Variants in AKAP1 observed in about 807,000 individuals in gnomAD.
The protein encoded by AKAP1 is A-kinase anchor protein 1, mitochondrial.
A neutral mutation model predicts 79.8 loss-of-function variants in AKAP1; 32 were observed. The observed-to-expected ratio is 0.40, with a 90% CI of 0.30 to 0.54. The LOEUF (loss-of-function observed/expected upper bound fraction) is 0.54, where lower values mean the gene tolerates loss of function less well. AKAP1 is among the 20% of genes least tolerant of loss of function. The probability of loss-of-function intolerance (pLI) is 0.47; values close to 1 mark genes in which losing one functional copy is unlikely to be tolerated. For missense variants in AKAP1, 961 were observed against 1,138.9 expected (o/e 0.84, Z 2.25); for synonymous variants, 416 against 466.7 (o/e 0.89, Z 1.40).
At chr17:57,087,427 G>A (rs1366315295) in intron 1 of AKAP1, among the ~76,000 whole-genome samples, 1 of 152,186 alleles carries the variant, frequency 6.6e-6, no homozygotes, top group Non-Finnish European at 1.5e-5. Context: ...TAAGGTTGCT[G>A]AACATCAATA....
intron 4 of AKAP1, 124 bp from the exon 5 acceptor site, chr17:57,112,367 T>G: frequency 1.6e-6 from 2 of 1,222,696 alleles, no homozygotes; most frequent in Non-Finnish European, 2.3e-6. Context: ...TTTTGTTACC[T>G]CAAAGATGCA....
intron 5 of AKAP1, among the ~76,000 whole-genome samples, chr17:57,113,884 T>C (rs1195600701): frequency 6.6e-6 from 1 of 152,148 alleles, no homozygotes; most frequent in Non-Finnish European, 1.5e-5. Context: ...CAGACTCTGC[T>C]AGACCTTGAC....
Position 57,106,941 on chromosome 17 carries a change from G to A in AKAP1, c.1477G>A (p.Asp493Asn). Reference protein sequence around the residue: ...EDATCVTCMSDSSQSVPLVAS... With the variant: ...EDATCVTCMSNSSQSVPLVAS... ...TGCCACCTGTGTCACCTGCATGTCA[G>A]ACAGCAGCCAAAGTGTCCCTTTGGT... is the stretch of plus-strand genomic sequence containing the variant. The change falls in exon 2 of 11, where the codon GAC (aspartate) becomes AAC (asparagine). Residue 493 changes from aspartate (D) to asparagine (N), a missense_variant. Asp to Asn is a conservative substitution (Grantham distance 23, BLOSUM62 1). This residue lies in a region of AKAP1 where 629 missense variants were observed against 781.1 expected (regional missense o/e 0.81). Coordinates refer to ENST00000337714, the MANE Select transcript of AKAP1 (RefSeq NM_003488.4). The A allele has an allele frequency of 6.2e-7, 1 of 1,614,042 alleles. No individual in the cohort carries two copies. The highest frequency in any genetic ancestry group is 8.5e-7 in the Non-Finnish European group (1 of 1,179,880).
intron 1 of AKAP1, among the ~76,000 whole-genome samples, chr17:57,090,828 G>A (rs968077780): frequency 1.3e-5 from 2 of 152,188 alleles, no homozygotes; most frequent in Non-Finnish European, 2.9e-5. Flanking sequence ...GAGGGCTCAG[G>A]GAAACTGCTC....
chr17:57,096,313 A>T (rs1319832322), intron 1 of AKAP1: 1 of 152,254 alleles, frequency 6.6e-6, no homozygotes, highest in African/African-American at 2.4e-5. Context: ...GGCTTTGCCA[A>T]GCAGGTACTC....
chr17:57,091,982 C>T (rs936839790), intron 1 of AKAP1, among the ~76,000 whole-genome samples: 3 of 152,202 alleles, frequency 2.0e-5, no homozygotes, highest in South Asian at 2.1e-4. Flanking sequence ...TGTGAGCCAC[C>T]GTGCCTGGCC....
chr17:57,115,817 C>T (rs2269819), intron 6 of AKAP1, among the ~76,000 whole-genome samples: 24,463 of 152,180 alleles, frequency 0.16, 2,628 homozygotes, highest in East Asian at 0.41. Flanking sequence ...CATCTGTGTC[C>T]CTCTTGGGTC....
chr17:57,116,764 C>A, intron 7 of AKAP1, 96 bp from the exon 8 acceptor site: 1 of 1,203,182 alleles, frequency 8.3e-7, no homozygotes, highest in Non-Finnish European at 1.2e-6. Context: ...TGCTGCATCC[C>A]AGGTTATGGG....
chr17:57,120,289 G>C lies in AKAP1; in HGVS notation c.2677G>C (p.Ala893Pro), dbSNP rs776727323. Residue 893 changes from alanine (A) to proline (P), a missense_variant, in exon 11 of 11, where the codon GCC becomes CCC. Physicochemically the swap from Ala to Pro is conservative, Grantham distance 27 (BLOSUM62 -1). This residue lies in a region of AKAP1 where 629 missense variants were observed against 781.1 expected (regional missense o/e 0.81). Coordinates refer to ENST00000337714, the MANE Select transcript of AKAP1 (RefSeq NM_003488.4). ...INRSLVERGL[A>P]QWVDSYYTSL ...CCGGTCCCTGGTGGAGCGAGGCCTT[G>C]CCCAGTGGGTAGACAGCTACTACAC... 4 of 1,613,834 alleles carry C rather than the reference G, an allele frequency of 2.5e-6. No individual in the cohort carries two copies. Among genetic ancestry groups the C allele is most frequent in the Non-Finnish European group, 3.4e-6 (4 of 1,179,912 alleles).
At chr17:57,091,179 G>A (rs2144631190) in intron 1 of AKAP1, among the ~76,000 whole-genome samples, 1 of 152,310 alleles carries the variant, frequency 6.6e-6, no homozygotes, top group African/African-American at 2.4e-5. Flanking sequence ...TGCCTTGGAG[G>A]GAGACCCACA....
intron 6 of AKAP1, among the ~76,000 whole-genome samples, chr17:57,115,024 C>G (rs1257621026): frequency 1.3e-5 from 2 of 151,846 alleles, no homozygotes; most frequent in African/African-American, 2.4e-5. Flanking sequence ...ACATATAAAG[C>G]ACTTATGCAT....
At chr17:57,116,711 T>C (rs1378269325) in intron 7 of AKAP1, 149 bp from the exon 8 acceptor site, 7 of 740,468 alleles carry the variant, frequency 9.5e-6, no homozygotes, top group Non-Finnish European at 1.2e-5. Flanking sequence ...TGTTTGGGTG[T>C]GCTGTGAGCC....
At chr17:57,088,831 T>C (rs1215636641) in intron 1 of AKAP1, among the ~76,000 whole-genome samples, 1 of 152,226 alleles carries the variant, frequency 6.6e-6, no homozygotes, top group African/African-American at 2.4e-5. Context: ...TGGTTGTTTT[T>C]CCGGCTTGGT....
intron 1 of AKAP1, among the ~76,000 whole-genome samples, chr17:57,087,275 G>T (rs721427): frequency 0.34 from 52,054 of 151,990 alleles, 9,855 homozygotes; most frequent in Admixed American, 0.43. Flanking sequence ...TTTGTGTCTA[G>T]GTCTAGTTCC....
At chr17:57,119,166 T>A (rs1322230219) in intron 10 of AKAP1, 122 bp downstream of exon 10, 3 of 1,078,764 alleles carry the variant, frequency 2.8e-6, no homozygotes, top group Non-Finnish European at 4.2e-6. Context: ...GACAAGCACC[T>A]CCTAGGGAAC....
intron 1 of AKAP1, among the ~76,000 whole-genome samples, chr17:57,089,772 G>T (rs540965819): frequency 2.1e-4 from 32 of 152,206 alleles, no homozygotes; most frequent in Non-Finnish European, 4.0e-4. Context: ...GTTCTAGTCT[G>T]CCAGTTGGGA....
At chr17:57,118,352 A>G (rs776543509) in intron 8 of AKAP1, 29 bp from the exon 9 acceptor site, 1 of 1,612,070 alleles carries the variant, frequency 6.2e-7, no homozygotes, top group Non-Finnish European at 8.5e-7. Context: ...GTGAGAGCCT[A>G]AATGCCGCTT....
chr17:57,112,264 G>A (rs1370281456), intron 4 of AKAP1, among the ~76,000 whole-genome samples: 1 of 152,172 alleles, frequency 6.6e-6, no homozygotes, highest in African/African-American at 2.4e-5. Context: ...ACAGCTGCCT[G>A]CCTCTTCTGT....
intron 1 of AKAP1, among the ~76,000 whole-genome samples, chr17:57,102,613 C>T (rs1459044884): frequency 1.3e-5 from 2 of 151,792 alleles, no homozygotes; most frequent in African/African-American, 4.8e-5. Flanking sequence ...TACAGGCTCC[C>T]GCCACAACTC....
Sources: allele counts gnomAD v4.1 joint callset (sites outside exome capture counted in the v4.1 genomes callset), GRCh38; gene constraint gnomAD v4.1.1; regional missense constraint gnomAD v4.1.1; transcripts MANE v1.5; gene names NCBI Gene and HGNC (gene_info 2026-07-23, HGNC 2026-07-21).